Variants in PKHD1 observed in about 807,000 individuals in gnomAD.
PKHD1 encodes the protein fibrocystin.
PKHD1 carries 291 observed loss-of-function variants against 412.0 expected under a neutral mutation model. That is an observed-to-expected ratio of 0.71 (90% CI 0.64 to 0.78). PKHD1 has a LOEUF of 0.78. PKHD1 is among the 30% of genes least tolerant of loss of function. The pLI is 0.00. For synonymous variants in PKHD1, 1,777 were observed against 1,821.5 expected, an observed-to-expected ratio of 0.98 and a Z score of 0.62; for missense variants, 4,825 against 4,950.7, an observed-to-expected ratio of 0.97 and a Z score of 0.76.
chr6:52,019,238 G>T (rs1006396120), intron 33 of PKHD1, among the ~76,000 whole-genome samples: 1 of 152,162 alleles, frequency 6.6e-6, no homozygotes, highest in Admixed American at 6.5e-5. Context: ...GGTTATCAAG[G>T]GCCGTGGGCT....
At chr6:51,890,226 C>G (rs1778892219) in intron 43 of PKHD1, among the ~76,000 whole-genome samples, 1 of 152,100 alleles carries the variant, frequency 6.6e-6, no homozygotes, top group Non-Finnish European at 1.5e-5. Flanking sequence ...AAATAGTTGT[C>G]AGAGCCAGCT....
rs192189324 is a variant in PKHD1, at chr6:52,003,602, G to A, written c.5751+6707C>T. 7.8e-4 allele frequency among the ~76,000 whole-genome samples: 118 copies of A among 152,038 alleles called. 1 individual carries two copies. Among genetic ancestry groups the A allele is most frequent in the African/African-American group, 2.4e-3 (99 of 41,448 alleles). On this transcript the variant is annotated intron_variant, in intron 35 of 66. Coordinates refer to ENST00000371117, the MANE Select transcript of PKHD1 (RefSeq NM_138694.4). ...ATGTCACTAAGGACCTCTTTATTGC[G>A]GTATGTTTTGATTAGTCTCAACACA...
At chr6:51,668,805 A>C (rs548680349) in intron 60 of PKHD1, among the ~76,000 whole-genome samples, 74 of 152,264 alleles carry the variant, frequency 4.9e-4, no homozygotes, top group African/African-American at 1.8e-3. Flanking sequence ...TGAGATAATC[A>C]TGTGGTTTTT....
intron 52 of PKHD1, among the ~76,000 whole-genome samples, chr6:51,794,829 T>C (rs1463260079): frequency 6.6e-6 from 1 of 152,170 alleles, no homozygotes; most frequent in Non-Finnish European, 1.5e-5. Flanking sequence ...GAGATGGTTG[T>C]AGGTGTGCAG....
chr6:52,042,637 A>C (rs1270991003), intron 27 of PKHD1, among the ~76,000 whole-genome samples: 1 of 152,180 alleles, frequency 6.6e-6, no homozygotes, highest in East Asian at 1.9e-4. Flanking sequence ...TGTAGGACCC[A>C]ATTATGCCTG....
intron 13 of PKHD1, among the ~76,000 whole-genome samples, chr6:52,063,964 C>T (rs993679163): frequency 6.6e-6 from 1 of 152,278 alleles, no homozygotes; most frequent in African/African-American, 2.4e-5. Flanking sequence ...AGCAGACTCT[C>T]TATTTCCTGA....
At chr6:52,035,752 T>C (rs1363499366) in intron 27 of PKHD1, 31 bp from the exon 28 acceptor site, 3 of 1,609,940 alleles carry the variant, frequency 1.9e-6, no homozygotes, top group South Asian at 2.2e-5. Context: ...TCAAATGGGA[T>C]CACCAACCAT....
chr6:51,724,737 G>T (rs1782359186), intron 60 of PKHD1, among the ~76,000 whole-genome samples: 1 of 152,144 alleles, frequency 6.6e-6, no homozygotes, highest in African/African-American at 2.4e-5. Flanking sequence ...TTAAGTTAAG[G>T]ATCTTGAGTG....
Position 51,775,858 on chromosome 6 carries a change from C to G in PKHD1, c.8504G>C (p.Gly2835Ala). The change falls in exon 54 of 67, where the codon GGA (glycine) becomes GCA (alanine). Residue 2835 changes from glycine (G) to alanine (A), a missense_variant. Coordinates refer to ENST00000371117, the MANE Select transcript of PKHD1 (RefSeq NM_138694.4). ...TCCATTCATACGGTCACAAAAGACT[C>G]CCTCTGAGGCTCTAAGGAGAATCAG... ...KLLILLRASE[G>A]VFCDRMNGIH... 9 of 1,601,010 alleles carry G rather than the reference C, an allele frequency of 5.6e-6. No homozygotes were observed. Among genetic ancestry groups the G allele is most frequent in the Non-Finnish European group, 6.8e-6 (8 of 1,169,034 alleles).
At chr6:51,854,549 C>T (rs934639894) in intron 49 of PKHD1, among the ~76,000 whole-genome samples, 8 of 152,152 alleles carry the variant, frequency 5.3e-5, no homozygotes, top group Admixed American at 2.6e-4. Context: ...TGCTGGTCCA[C>T]GGAGACTGCA....
intron 43 of PKHD1, among the ~76,000 whole-genome samples, chr6:51,896,275 T>C (rs1266114049): frequency 6.6e-6 from 1 of 151,862 alleles, no homozygotes; most frequent in East Asian, 1.9e-4. Flanking sequence ...TCTGACAGCT[T>C]TGAAGAGAGC....
chr6:51,904,771 T>C (rs1781824768), intron 41 of PKHD1, among the ~76,000 whole-genome samples: 1 of 152,236 alleles, frequency 6.6e-6, no homozygotes, highest in Admixed American at 6.5e-5. Flanking sequence ...CTTGCATAGT[T>C]AATATCTATT....
chr6:51,832,484 G>C (rs185044856), intron 51 of PKHD1, among the ~76,000 whole-genome samples: 202 of 152,122 alleles, frequency 1.3e-3, no homozygotes, highest in Non-Finnish European at 1.8e-3. Context: ...AGAGGCCAGA[G>C]TATGAAAGAT....
At chr6:52,056,590 T>A (rs1807778478) in intron 18 of PKHD1, 108 bp downstream of exon 18, 4 of 900,808 alleles carry the variant, frequency 4.4e-6, no homozygotes, top group Non-Finnish European at 7.4e-6. Context: ...TCATATTTTT[T>A]TTTTACTCTG....
chr6:52,017,755 T>G, intron 33 of PKHD1, 126 bp from the exon 34 acceptor site: 1 of 734,530 alleles, frequency 1.4e-6, no homozygotes. Flanking sequence ...AGTTTACTTT[T>G]TTTAAAATGT....
At chr6:51,903,934 A>G in intron 42 of PKHD1, 52 bp downstream of exon 42, 1 of 1,258,406 alleles carries the variant, frequency 7.9e-7, no homozygotes, top group Non-Finnish European at 1.2e-6. Flanking sequence ...TATAAAATAT[A>G]TGACAATTTT....
intron 5 of PKHD1, among the ~76,000 whole-genome samples, 173 bp downstream of exon 5, chr6:52,079,727 C>T (rs563697789): frequency 2.0e-5 from 3 of 152,192 alleles, no homozygotes; most frequent in East Asian, 1.9e-4. Context: ...GACATACAAA[C>T]GTTCAAAATT....
chr6:51,847,627 C>A, intron 50 of PKHD1, 148 bp downstream of exon 50: 2 of 709,860 alleles, frequency 2.8e-6, no homozygotes, highest in Admixed American at 2.0e-5. Flanking sequence ...CCCAGGCAAT[C>A]AGACTTCAGG....
intron 60 of PKHD1, among the ~76,000 whole-genome samples, chr6:51,729,618 C>G (rs921025371): frequency 2.0e-5 from 3 of 152,054 alleles, no homozygotes; most frequent in Non-Finnish European, 2.9e-5. Context: ...AAGTACAGAG[C>G]TTTAGGTGGT....
Sources: allele counts gnomAD v4.1 joint callset (sites outside exome capture counted in the v4.1 genomes callset), GRCh38; gene constraint gnomAD v4.1.1; transcripts MANE v1.5; gene names NCBI Gene and HGNC (gene_info 2026-07-23, HGNC 2026-07-21).